The following POU6F2 variants were observed in gnomAD, a reference collection of about 807,000 sequenced individuals.
POU6F2 encodes POU domain, class 6, transcription factor 2.
POU6F2 carries 31 observed loss-of-function variants against 71.3 expected under a neutral mutation model. The observed-to-expected ratio is 0.43, with a 90% CI of 0.33 to 0.59. The LOEUF is 0.59. Among genes scored for constraint, POU6F2 ranks in the 20% least tolerant of loss-of-function variants. The pLI is 0.04. For missense variants in POU6F2, 783 were observed against 856.8 expected, an observed-to-expected ratio of 0.91 and a Z score of 1.07; for synonymous variants, 347 against 355.7, an observed-to-expected ratio of 0.98 and a Z score of 0.27.
At chr7:39,156,857 T>C (rs1308269245) in intron 2 of POU6F2, among the ~76,000 whole-genome samples, 1 of 152,200 alleles carries the variant, frequency 6.6e-6, no homozygotes, top group East Asian at 1.9e-4. Context: ...ATTTCAACCA[T>C]GCACCACATA....
At chr7:39,226,055 G>A (rs576315900) in intron 4 of POU6F2, among the ~76,000 whole-genome samples, 1 of 151,844 alleles carries the variant, frequency 6.6e-6, no homozygotes, top group Non-Finnish European at 1.5e-5. Context: ...CTGAGCTTTC[G>A]GGAGCAATCT....
At chr7:39,286,797 C>G (rs1784658377) in intron 4 of POU6F2, among the ~76,000 whole-genome samples, 1 of 152,142 alleles carries the variant, frequency 6.6e-6, no homozygotes, top group East Asian at 1.9e-4. Flanking sequence ...GGGTCTCGCT[C>G]TGTCTCCCAG....
chr7:39,222,653 A>G (rs561085490), intron 4 of POU6F2, among the ~76,000 whole-genome samples: 1 of 152,198 alleles, frequency 6.6e-6, no homozygotes, highest in Admixed American at 6.5e-5. Context: ...AAGTGGAATC[A>G]TATAGTATTC....
intron 2 of POU6F2, among the ~76,000 whole-genome samples, chr7:39,151,601 C>A (rs904528615): frequency 6.6e-5 from 10 of 152,106 alleles, no homozygotes; most frequent in African/African-American, 2.4e-4. Flanking sequence ...GATCTATGAC[C>A]CCTTTTTTTA....
intron 2 of POU6F2, among the ~76,000 whole-genome samples, chr7:39,134,267 G>T (rs1442627116): frequency 6.6e-6 from 1 of 152,152 alleles, no homozygotes; most frequent in East Asian, 1.9e-4. Flanking sequence ...TAAGGCAGTG[G>T]TTTTTAGCAT....
intron 2 of POU6F2, among the ~76,000 whole-genome samples, chr7:39,141,868 A>G (rs898505719): frequency 1.4e-4 from 22 of 152,200 alleles, no homozygotes; most frequent in African/African-American, 4.8e-4. Flanking sequence ...TGAGCGGATC[A>G]CGAGGTCAGG....
intron 2 of POU6F2, among the ~76,000 whole-genome samples, chr7:39,179,543 A>ACACACACG (rs1466051345): frequency 6.6e-6 from 1 of 152,220 alleles, no homozygotes; most frequent in Non-Finnish European, 1.5e-5. Context: ...GCACACACAC[A>ACACACACG]CACACACGCA....
At chr7:39,452,863 C>T (rs1788694336) in intron 8 of POU6F2, among the ~76,000 whole-genome samples, 2 of 152,230 alleles carry the variant, frequency 1.3e-5, no homozygotes, top group Middle Eastern at 3.4e-3. Context: ...GAGGACAAGG[C>T]GGGCAGATCA....
At chr7:39,255,313 A>G (rs748988500) in intron 4 of POU6F2, among the ~76,000 whole-genome samples, 5 of 152,250 alleles carry the variant, frequency 3.3e-5, no homozygotes, top group Non-Finnish European at 7.3e-5. Flanking sequence ...GAGCTATTAA[A>G]AGACCAAAAC....
At chr7:39,143,007 A>G (rs892126960) in intron 2 of POU6F2, among the ~76,000 whole-genome samples, 1 of 152,248 alleles carries the variant, frequency 6.6e-6, no homozygotes, top group African/African-American at 2.4e-5. Context: ...GATGCTGAAG[A>G]TACAGCATGG....
intron 6 of POU6F2, among the ~76,000 whole-genome samples, chr7:39,420,126 T>A (rs1787818566): frequency 6.6e-6 from 1 of 152,078 alleles, no homozygotes; most frequent in Non-Finnish European, 1.5e-5. Flanking sequence ...AAGGAACAAA[T>A]AACATGGACA....
chr7:39,381,155 C>A (rs1786820164), intron 5 of POU6F2, among the ~76,000 whole-genome samples: 1 of 151,574 alleles, frequency 6.6e-6, no homozygotes, highest in Admixed American at 6.6e-5. Flanking sequence ...TCTGCCCCGC[C>A]CCGGGTTCCA....
At chr7:39,212,673 A>G (rs569871322) in intron 4 of POU6F2, among the ~76,000 whole-genome samples, 4 of 152,334 alleles carry the variant, frequency 2.6e-5, no homozygotes, top group Non-Finnish European at 4.4e-5. Flanking sequence ...AATAAGACGA[A>G]TAATAGCCAT....
At chr7:39,184,740 A>G (rs1241856057) in intron 2 of POU6F2, among the ~76,000 whole-genome samples, 1 of 152,176 alleles carries the variant, frequency 6.6e-6, no homozygotes, top group Non-Finnish European at 1.5e-5. Flanking sequence ...TTCTTACATA[A>G]ATATATGTGA....
intron 4 of POU6F2, among the ~76,000 whole-genome samples, chr7:39,295,234 G>A (rs934372301): frequency 6.6e-6 from 1 of 151,770 alleles, no homozygotes; most frequent in Non-Finnish European, 1.5e-5. Context: ...GGGGGTATGC[G>A]TGATTGAGTT....
chr7:39,134,872 A>G (rs1322539127), intron 2 of POU6F2, among the ~76,000 whole-genome samples: 3 of 152,238 alleles, frequency 2.0e-5, no homozygotes, highest in Non-Finnish European at 4.4e-5. Context: ...CTACCAACTT[A>G]TGAGATGTGG....
chr7:39,207,731 C>T, intron 4 of POU6F2, 111 bp downstream of exon 4: 2 of 1,056,078 alleles, frequency 1.9e-6, no homozygotes, highest in South Asian at 1.6e-5. Context: ...AGAGTTGCTT[C>T]TGCCCTAAAT....
chr7:39,385,811 C>T (rs1333324353), intron 5 of POU6F2, among the ~76,000 whole-genome samples: 2 of 152,114 alleles, frequency 1.3e-5, no homozygotes, highest in East Asian at 3.9e-4. Flanking sequence ...CAGAGCTTTG[C>T]CCAAGGCCAT....
intron 4 of POU6F2, among the ~76,000 whole-genome samples, chr7:39,263,393 A>G (rs1190059490): frequency 1.3e-5 from 2 of 152,262 alleles, no homozygotes; most frequent in East Asian, 1.9e-4. Flanking sequence ...ATAGCAGTCA[A>G]GGTTTTTTTC....
Sources: allele counts gnomAD v4.1 joint callset (sites outside exome capture counted in the v4.1 genomes callset), GRCh38; gene constraint gnomAD v4.1.1; transcripts MANE v1.5; gene names NCBI Gene and HGNC (gene_info 2026-07-23, HGNC 2026-07-21).